MELTF: variants seen among roughly 807,000 people sequenced by gnomAD.
MELTF encodes the protein melanotransferrin, also known as antigen p97 (melanoma associated) identified by monoclonal antibodies 133.2 and 96.5.
A neutral mutation model predicts 83.7 loss-of-function variants in MELTF; 67 were observed. The ratio of observed to expected loss-of-function variants is 0.80; its 90% CI spans 0.66 to 0.98. The LOEUF (loss-of-function observed/expected upper bound fraction) is 0.98. MELTF is among the 50% of genes least tolerant of loss of function. The pLI is 0.00. For synonymous variants in MELTF, 462 were observed against 447.6 expected (o/e 1.03, Z -0.41); for missense variants, 1,002 against 1,035.6 (o/e 0.97, Z 0.44).
At position 197,029,290 on chromosome 3, in the gene MELTF, A is replaced by C; in HGVS notation, c.49+364T>G. Reference sequence around the variant, plus strand: ...CTTCTCCCGCGGGGGCTCGGGAGAAAGAGCTGCTCCGAGCCCCCAAAGTCT... The same window carrying C: ...CTTCTCCCGCGGGGGCTCGGGAGAACGAGCTGCTCCGAGCCCCCAAAGTCT... On this transcript the variant is annotated intron_variant, in intron 1 of 15. Transcript: ENST00000296350. This position sits in a 1 kb window ranked among gnomAD's most constrained non-coding sequence, Gnocchi z 6.5. 2.8e-5 allele frequency: 6 copies of C among 211,918 alleles called. No individual in the cohort carries two copies. The highest frequency in any genetic ancestry group is 3.7e-5 in the Non-Finnish European group (4 of 107,192). 13.1% of individuals were successfully genotyped at this position (211,918 alleles called of 1,614,324 possible). A position where few individuals can be genotyped will look rare whatever the true frequency, so the allele number is the denominator to read the frequency against.
chr3:197,022,833 T>G lies in MELTF; in HGVS notation c.644+124A>C. ...CAGAACTATATAAAGGGTGCTTTGA[T>G]GAGACGCAGCCAACATGCCACTTCC... On this transcript the variant is annotated intron_variant, in intron 5 of 15. Coordinates refer to ENST00000296350, the MANE Select transcript of MELTF (RefSeq NM_005929.6). The surrounding 1 kb of genome is among the most constrained non-coding windows in gnomAD (Gnocchi z 5.1). 25 of 913,366 alleles carry G rather than the reference T, an allele frequency of 2.7e-5. No individual in the cohort carries two copies. The highest frequency in any genetic ancestry group is 4.1e-5 in the Non-Finnish European group (24 of 588,350). The allele number at this position is 913,366 out of a possible 1,614,324, so 56.6% of individuals were successfully genotyped here. A position where few individuals can be genotyped will look rare whatever the true frequency, so the allele number is the denominator to read the frequency against.
chr3:197,015,437 G>A lies in MELTF; in HGVS notation c.1161C>T (p.Arg387=), dbSNP rs1300825637. The A allele has an allele frequency of 1.9e-6, 3 of 1,604,596 alleles. No individual in the cohort carries two copies. In the South Asian group the frequency reaches 3.4e-5, roughly 18 times the overall value. Residue 387 remains arginine, a synonymous_variant, in exon 9 of 16, where the codon CGC becomes CGT. Coordinates refer to ENST00000296350, the MANE Select transcript of MELTF (RefSeq NM_005929.6). ...GGATCTCTGGCTTGAGCCGCTGCCGGCGGAAGGCCACGGCCATGTCTCCAC... is the reference window on the plus strand; with the variant it reads ...GGATCTCTGGCTTGAGCCGCTGCCGACGGAAGGCCACGGCCATGTCTCCAC... The part of the protein sequence containing the change: ...QKCGDMAVAF[R]RQRLKPEIQC...
chr3:197,002,268 G>A lies in MELTF; in HGVS notation c.*1104C>T, dbSNP rs1051219642. On this transcript the variant is annotated 3_prime_UTR_variant, in exon 16 of 16. Coordinates refer to ENST00000296350, the MANE Select transcript of MELTF (RefSeq NM_005929.6). ...AATGCAAATGGCTCCGCGCCCACGC[G>A]GCTCCCGGTCTGCTGACGAGGGCTG... 1 of 152,212 alleles carries A rather than the reference G, an allele frequency of 6.6e-6. No homozygotes were observed. The highest frequency in any genetic ancestry group is 6.5e-5 in the Admixed American group (1 of 15,288). 9.4% of individuals were successfully genotyped at this position (152,212 alleles called of 1,614,324 possible). A position where few individuals can be genotyped will look rare whatever the true frequency, so the allele number is the denominator to read the frequency against.
intron 9 of MELTF, among the ~76,000 whole-genome samples, chr3:197,012,071 TCA>T (rs1219144131): frequency 6.6e-6 from 1 of 152,180 alleles, no homozygotes; most frequent in Non-Finnish European, 1.5e-5. Flanking sequence ...TCTGTCACCG[TCA>T]CACACAGTCG....
intron 8 of MELTF, 148 bp from the exon 9 acceptor site, chr3:197,015,664 C>A (rs61483546): frequency 4.4e-6 from 4 of 909,248 alleles, no homozygotes; most frequent in African/African-American, 3.3e-5. Context: ...CTTCCTCACA[C>A]AGAAAAGGGG....
In MELTF at chr3:197,010,736, G is replaced by A. The variant is rs957364071; in HGVS notation, c.1292C>T (p.Thr431Met). The change falls in exon 10 of 16, where the codon ACG becomes ATG. Residue 431 changes from threonine to methionine, a missense_variant. Physicochemically the swap from Thr to Met is moderately conservative, Grantham distance 81. Transcript: ENST00000296350. The part of the protein sequence containing the change: ...SGEDIYTAGK[T>M]YGLVPAAGEH... Reference sequence around the variant, plus strand: ...CCCGGCTGCGGGAACCAGGCCGTACGTCTTCCCCGCCGTGTAAATGTCCTC... The same window carrying A: ...CCCGGCTGCGGGAACCAGGCCGTACATCTTCCCCGCCGTGTAAATGTCCTC... The A allele has an allele frequency of 1.1e-5, 18 of 1,613,524 alleles. No individual in the cohort carries two copies. The highest frequency in any genetic ancestry group is 2.2e-5 in the East Asian group (1 of 44,900).
At position 197,002,688 on chromosome 3, in the gene MELTF, C is replaced by G. The variant is rs1718785494; in HGVS notation, c.*684G>C. 1 of 152,270 alleles carries G rather than the reference C, an allele frequency of 6.6e-6. No homozygotes were observed. Among genetic ancestry groups the G allele is most frequent in the Non-Finnish European group, 1.5e-5 (1 of 68,122 alleles). The allele number at this position is 152,270 out of a possible 1,614,324, so 9.4% of individuals were successfully genotyped here. A position where few individuals can be genotyped will look rare whatever the true frequency, so the allele number is the denominator to read the frequency against. ...GGGGAGGCGAGAGCCTGAGGAGACT[C>G]GGGAGGGGGCCCGTGGACGCGGCTG... On this transcript the variant is annotated 3_prime_UTR_variant, in exon 16 of 16. Coordinates refer to ENST00000296350, the MANE Select transcript of MELTF (RefSeq NM_005929.6).
chr3:197,022,969 C>CT lies in MELTF; in HGVS notation c.631dup (p.Ser211LysfsTer51). ...CCACTCCGCTCACCGGAAGGCCCCGCTGTAGTCGTAGTATCTCTCCAGGGG... is the reference window on the plus strand; with the variant it reads ...CCACTCCGCTCACCGGAAGGCCCCGCTTGTAGTCGTAGTATCTCTCCAGGGG... On this transcript the variant is annotated frameshift_variant, in exon 5 of 16. Transcript: ENST00000296350. LOFTEE classifies it high-confidence loss of function. The surrounding 1 kb of genome is among the most constrained non-coding windows in gnomAD (Gnocchi z 5.1). The CT allele has an allele frequency of 6.2e-7, 1 of 1,609,924 alleles. No homozygotes were observed. The highest frequency in any genetic ancestry group is 8.5e-7 in the Non-Finnish European group (1 of 1,178,800).
At chr3:197,012,186 C>T (rs935142111) in intron 9 of MELTF, among the ~76,000 whole-genome samples, 4 of 152,160 alleles carry the variant, frequency 2.6e-5, no homozygotes, top group Non-Finnish European at 4.4e-5. Flanking sequence ...CTGGGGTGGT[C>T]TCCACTCCTG....
intron 10 of MELTF, 60 bp from the exon 11 acceptor site, chr3:197,009,872 G>T (rs1366862451): frequency 1.3e-6 from 2 of 1,483,130 alleles, no homozygotes; most frequent in South Asian, 1.2e-5. Context: ...CAAGTGCCTG[G>T]GGGGGTCCTT....
Position 197,027,744 on chromosome 3 carries a change from G to C in MELTF, c.204+12C>G, listed in dbSNP as rs368904265. ...CCCTCTTGTCTGGCAGGGTGGAAGGGAGAGGACTCACCGCGATGAGCTGGA... is the reference window on the plus strand; with the variant it reads ...CCCTCTTGTCTGGCAGGGTGGAAGGCAGAGGACTCACCGCGATGAGCTGGA... On this transcript the variant is annotated intron_variant, in intron 2 of 15. Coordinates refer to ENST00000296350, the MANE Select transcript of MELTF (RefSeq NM_005929.6). 9 of 1,601,740 alleles carry C rather than the reference G, an allele frequency of 5.6e-6. No homozygotes were observed. In the African/African-American group the frequency reaches 8.0e-5, roughly 14 times the overall value.
At chr3:197,017,332 G>A (rs1719421042) in intron 6 of MELTF, 42 bp from the exon 7 acceptor site, 4 of 1,469,878 alleles carry the variant, frequency 2.7e-6, no homozygotes, top group Non-Finnish European at 3.6e-6. Flanking sequence ...TCCGAAAGGG[G>A]TTGGGGCGGG....
Position 197,022,050 on chromosome 3 carries a change from C to T in MELTF, c.645-579G>A, listed in dbSNP as rs1236336084. On this transcript the variant is annotated intron_variant, in intron 5 of 15. Coordinates refer to ENST00000296350, the MANE Select transcript of MELTF (RefSeq NM_005929.6). This position sits in a 1 kb window ranked among gnomAD's most constrained non-coding sequence, Gnocchi z 5.1. The stretch of plus-strand genomic sequence containing the variant: ...CAGGGTGTTTTGAAGAGCATTCTAC[C>T]CTGAGGCAGGGGATTGGACTAGAAG... 1.3e-5 allele frequency among the ~76,000 whole-genome samples: 2 copies of T among 152,084 alleles called. 1 individual carries two copies. The highest frequency in any genetic ancestry group is 1.3e-4 in the Admixed American group (2 of 15,276).
chr3:197,015,412 G>C lies in MELTF; in HGVS notation c.1186C>G (p.Gln396Glu), dbSNP rs891072570. 1 of 1,590,144 alleles carries C rather than the reference G, an allele frequency of 6.3e-7. No homozygotes were observed. The highest frequency in any genetic ancestry group is 8.6e-7 in the Non-Finnish European group (1 of 1,168,834). Residue 396 changes from glutamine (Q) to glutamate (E), a missense_variant, in exon 9 of 16, where the codon CAG (glutamine) becomes GAG (glutamate). Coordinates refer to ENST00000296350, the MANE Select transcript of MELTF (RefSeq NM_005929.6). ...FRRQRLKPEI[Q>E]CVSAKSPQHC... Reference sequence around the variant, plus strand: ...TGGGGGGACTTGGCTGACACGCACTGGATCTCTGGCTTGAGCCGCTGCCGG... The same window carrying C: ...TGGGGGGACTTGGCTGACACGCACTCGATCTCTGGCTTGAGCCGCTGCCGG...
At chr3:197,026,901 C>T (rs762395966) in intron 2 of MELTF, 142 bp from the exon 3 acceptor site, 1 of 641,900 alleles carries the variant, frequency 1.6e-6, no homozygotes. Flanking sequence ...AGGAGCCCAA[C>T]CAGAGCCCAG....
intron 9 of MELTF, among the ~76,000 whole-genome samples, chr3:197,013,583 G>A (rs1180647736): frequency 6.6e-6 from 1 of 152,194 alleles, no homozygotes; most frequent in African/African-American, 2.4e-5. Flanking sequence ...GTGAAATGAA[G>A]ACAGCCTATG....
At chr3:197,017,042 G>C (rs773279338) in intron 7 of MELTF, 61 bp downstream of exon 7, 2 of 1,558,840 alleles carry the variant, frequency 1.3e-6, no homozygotes, top group African/African-American at 2.7e-5. Context: ...CCTGCTGAGC[G>C]ACCACAAGGC....
At chr3:197,015,599 G>A in intron 8 of MELTF, 83 bp from the exon 9 acceptor site, 2 of 1,439,912 alleles carry the variant, frequency 1.4e-6, no homozygotes, top group South Asian at 2.7e-5. Context: ...GAAATTCTGG[G>A]CCTTTCTCCT....
At chr3:197,005,991 T>G (rs947568598) in intron 14 of MELTF, among the ~76,000 whole-genome samples, 1 of 151,646 alleles carries the variant, frequency 6.6e-6, no homozygotes, top group South Asian at 2.1e-4. Context: ...GAGGCCGAGG[T>G]GGGCGGATCA....
Sources: gnomAD v4.1 joint callset for allele counts (sites outside exome capture counted in the v4.1 genomes callset) on GRCh38, gnomAD v4.1.1 for gene constraint, Gnocchi (gnomAD v3.1) non-coding constraint, MANE v1.5 for transcripts, NCBI Gene and HGNC (gene_info 2026-07-23, HGNC 2026-07-21) for gene names.